SPAG16: variants seen among roughly 807,000 people sequenced by gnomAD.
SPAG16 encodes sperm-associated antigen 16 protein.
Under a neutral mutation model 80.4 loss-of-function variants are expected in SPAG16, and 86 were observed. That is an observed-to-expected ratio of 1.07 (90% CI 0.90 to 1.28). SPAG16 has a LOEUF of 1.28. SPAG16 is among the 50% of genes most tolerant of loss of function. The probability of loss-of-function intolerance (pLI) is 0.00; values close to 1 mark genes in which losing one functional copy is unlikely to be tolerated. For synonymous variants in SPAG16, 294 were observed against 265.9 expected, an observed-to-expected ratio of 1.11 and a Z score of -1.03; for missense variants, 870 against 765.3, an observed-to-expected ratio of 1.14 and a Z score of -1.61.
At chr2:213,811,904 A>G (rs1187512842) in intron 10 of SPAG16, among the ~76,000 whole-genome samples, 1 of 152,122 alleles carries the variant, frequency 6.6e-6, no homozygotes, top group Non-Finnish European at 1.5e-5. Context: ...ACACGGGTAC[A>G]CTCAGCTGCA....
At chr2:214,142,959 T>C (rs1369074594) in intron 14 of SPAG16, among the ~76,000 whole-genome samples, 1 of 152,182 alleles carries the variant, frequency 6.6e-6, no homozygotes. Flanking sequence ...CCCTATTCTC[T>C]ATTTTGTGTT....
At chr2:213,952,479 A>G (rs912351735) in intron 12 of SPAG16, among the ~76,000 whole-genome samples, 3 of 152,098 alleles carry the variant, frequency 2.0e-5, no homozygotes, top group Non-Finnish European at 4.4e-5. Context: ...GATGCTGAAA[A>G]TGTACATGCT....
chr2:214,110,580 A>G (rs1441427157), intron 14 of SPAG16, among the ~76,000 whole-genome samples: 1 of 152,198 alleles, frequency 6.6e-6, no homozygotes, highest in Non-Finnish European at 1.5e-5. Context: ...TATTGTGAAT[A>G]GTGCTGCAAT....
intron 15 of SPAG16, among the ~76,000 whole-genome samples, chr2:214,211,635 G>GC: frequency 6.6e-6 from 1 of 152,114 alleles, no homozygotes; most frequent in South Asian, 2.1e-4. Flanking sequence ...CCAGCTCCCT[G>GC]ACTAGAGAGG....
At chr2:213,478,174 G>A (rs2073531325) in intron 9 of SPAG16, among the ~76,000 whole-genome samples, 1 of 152,276 alleles carries the variant, frequency 6.6e-6, no homozygotes, top group Admixed American at 6.5e-5. Context: ...GTCAATTAAA[G>A]CTCTTTTCTT....
intron 15 of SPAG16, among the ~76,000 whole-genome samples, chr2:214,167,184 G>A (rs557795036): frequency 3.3e-5 from 5 of 152,142 alleles, no homozygotes; most frequent in South Asian, 2.1e-4. Flanking sequence ...TTCTAACTCC[G>A]GCTCTGTCCC....
intron 10 of SPAG16, among the ~76,000 whole-genome samples, chr2:213,783,317 T>TAA (rs11362970): frequency 1.4e-5 from 2 of 145,954 alleles, no homozygotes; most frequent in African/African-American, 5.1e-5. Flanking sequence ...TAGAGTATAA[T>TAA]AAAAAAAAAA....
At chr2:213,471,552 C>T (rs2073078634) in intron 9 of SPAG16, among the ~76,000 whole-genome samples, 1 of 152,190 alleles carries the variant, frequency 6.6e-6, no homozygotes, top group Admixed American at 6.5e-5. Flanking sequence ...GCAGGGCCTG[C>T]TCCAAAATTT....
chr2:214,368,453 T>C (rs909544912), intron 15 of SPAG16, among the ~76,000 whole-genome samples: 1 of 152,114 alleles, frequency 6.6e-6, no homozygotes, highest in African/African-American at 2.4e-5. Context: ...AGAGACTTCA[T>C]TTTTCTTTTC....
rs372247270 is a variant in SPAG16, at chr2:213,598,678, CAAATT to C, written c.1070+108593_1070+108597del. 2.4e-4 allele frequency among the ~76,000 whole-genome samples: 36 copies of C among 152,238 alleles called. 3 individuals are homozygous for C. In the South Asian group the frequency reaches 6.8e-3, roughly 29 times the overall value. On this transcript the variant is annotated intron_variant, in intron 10 of 15. Coordinates refer to ENST00000331683, the MANE Select transcript of SPAG16 (RefSeq NM_024532.5). ...TGGAAATTAAAGTCACTCAAGGTCT[CAAATT>C]AAATAATAAAATTGAAATTGCACAT...
intron 10 of SPAG16, among the ~76,000 whole-genome samples, chr2:213,597,573 T>C (rs2060925210): frequency 1.3e-5 from 2 of 152,328 alleles, no homozygotes; most frequent in South Asian, 4.1e-4. Flanking sequence ...TTCATCTTGC[T>C]ATATTATAAT....
chr2:214,079,352 C>T (rs1375117543), intron 13 of SPAG16, among the ~76,000 whole-genome samples: 9 of 152,144 alleles, frequency 5.9e-5, no homozygotes, highest in African/African-American at 1.9e-4. Context: ...TCAATGCCCT[C>T]GAGAATAGTA....
chr2:213,801,218 C>A (rs115858537), intron 10 of SPAG16, among the ~76,000 whole-genome samples: 1 of 152,154 alleles, frequency 6.6e-6, no homozygotes, highest in African/African-American at 2.4e-5. Context: ...AGGAGCTTTG[C>A]GTGTGTGTGT....
intron 14 of SPAG16, among the ~76,000 whole-genome samples, chr2:214,128,198 A>T (rs2054591840): frequency 6.6e-6 from 1 of 151,840 alleles, no homozygotes; most frequent in Non-Finnish European, 1.5e-5. Context: ...AAAACCTCTC[A>T]AGTTATAATC....
At chr2:213,829,987 A>G (rs1165773587) in intron 10 of SPAG16, among the ~76,000 whole-genome samples, 1 of 152,104 alleles carries the variant, frequency 6.6e-6, no homozygotes. Context: ...GGGTGGCACA[A>G]GGACTCTCTT....
intron 12 of SPAG16, among the ~76,000 whole-genome samples, chr2:213,976,253 TATATACACAC>T (rs1273809864): frequency 6.6e-6 from 1 of 150,670 alleles, no homozygotes; most frequent in Non-Finnish European, 1.5e-5. Context: ...TACATACGTG[TATATACACAC>T]ATATACATAT....
intron 10 of SPAG16, among the ~76,000 whole-genome samples, chr2:213,827,704 G>A (rs192019844): frequency 2.6e-5 from 4 of 152,040 alleles, no homozygotes; most frequent in Non-Finnish European, 5.9e-5. Flanking sequence ...TGTAGGACAG[G>A]TCTGGTGTTG....
intron 12 of SPAG16, among the ~76,000 whole-genome samples, chr2:213,979,358 C>T (rs2045577514): frequency 6.6e-6 from 1 of 151,962 alleles, no homozygotes; most frequent in African/African-American, 2.4e-5. Flanking sequence ...ACAATTGAAA[C>T]CTAACCCACC....
chr2:213,933,286 G>C (rs571210874), intron 12 of SPAG16, among the ~76,000 whole-genome samples: 1 of 152,232 alleles, frequency 6.6e-6, no homozygotes, highest in South Asian at 2.1e-4. Flanking sequence ...TAACAATGTT[G>C]GTCTGTGTTA....
Sources: allele counts gnomAD v4.1 joint callset (sites outside exome capture counted in the v4.1 genomes callset), GRCh38; gene constraint gnomAD v4.1.1; transcripts MANE v1.5; gene names NCBI Gene and HGNC (gene_info 2026-07-23, HGNC 2026-07-21).